Variants in HECW2 observed in about 807,000 individuals in gnomAD.
HECW2 encodes the protein HECT, C2 and WW domain containing E3 ubiquitin protein ligase 2, also known as E3 ubiquitin-protein ligase HECW2.
A neutral mutation model predicts 175.2 loss-of-function variants in HECW2; 61 were observed. The observed-to-expected ratio is 0.35, with a 90% CI of 0.28 to 0.43. HECW2 has a LOEUF of 0.43. HECW2 is among the 20% of genes least tolerant of loss of function. HECW2 has a pLI of 1.00. For synonymous variants in HECW2, 671 were observed against 731.0 expected (o/e 0.92, Z 1.32); for missense variants, 1,524 against 2,000.5 (o/e 0.76, Z 4.54).
At chr2:196,341,070 C>T (rs1055719086) in intron 3 of HECW2, among the ~76,000 whole-genome samples, 3 of 152,118 alleles carry the variant, frequency 2.0e-5, no homozygotes, top group Non-Finnish European at 4.4e-5. Context: ...TCAGCCAGGA[C>T]ATTATGAATC....
chr2:196,328,387 G>A (rs1692233248), intron 5 of HECW2, among the ~76,000 whole-genome samples: 1 of 152,122 alleles, frequency 6.6e-6, no homozygotes, highest in Non-Finnish European at 1.5e-5. Flanking sequence ...TGAACCATAA[G>A]TCACTAGTTT....
At chr2:196,577,129 A>C (rs1690590459) in intron 1 of HECW2, among the ~76,000 whole-genome samples, 1 of 152,186 alleles carries the variant, frequency 6.6e-6, no homozygotes, top group African/African-American at 2.4e-5. Context: ...TGAATCTCAG[A>C]ATCAGTATTT....
At chr2:196,484,516 C>T (rs112003957) in intron 1 of HECW2, among the ~76,000 whole-genome samples, 4,520 of 152,208 alleles carry the variant, frequency 0.03, 127 homozygotes, top group Non-Finnish European at 0.035. Flanking sequence ...ACTCTGCGGT[C>T]CCTCCTCACA....
chr2:196,290,963 T>C (rs925828931), intron 14 of HECW2: 1 of 152,188 alleles, frequency 6.6e-6, no homozygotes, highest in Non-Finnish European at 1.5e-5. Context: ...AATTAGAGGT[T>C]TATTAAAAAC....
At chr2:196,317,152 A>C in intron 10 of HECW2, 122 bp downstream of exon 10, 1 of 735,728 alleles carries the variant, frequency 1.4e-6, no homozygotes, top group South Asian at 1.7e-5. Flanking sequence ...GTCAAGTGGC[A>C]ACCCCCAGAT....
At chr2:196,542,663 A>T (rs13424737) in intron 1 of HECW2, among the ~76,000 whole-genome samples, 8,751 of 151,908 alleles carry the variant, frequency 0.058, 854 homozygotes, top group African/African-American at 0.2. Context: ...GTTTCCTTCT[A>T]GGGGCAGTCC....
intron 2 of HECW2, among the ~76,000 whole-genome samples, chr2:196,362,569 G>A (rs1187044861): frequency 6.6e-6 from 1 of 152,132 alleles, no homozygotes; most frequent in Non-Finnish European, 1.5e-5. Context: ...GAAATTTGTG[G>A]ACTTGTGATT....
intron 1 of HECW2, among the ~76,000 whole-genome samples, chr2:196,575,653 T>A (rs190587633): frequency 1.3e-5 from 2 of 152,320 alleles, no homozygotes; most frequent in East Asian, 3.9e-4. Context: ...TTCGCATTGC[T>A]ATAAAGGAAT....
intron 2 of HECW2, among the ~76,000 whole-genome samples, chr2:196,423,684 T>TTGTGTG (rs60030164): frequency 0.017 from 2,379 of 139,992 alleles, 43 homozygotes; most frequent in Admixed American, 0.046. Context: ...TAGTATTCCA[T>TTGTGTG]TGTGTGTGTG....
intron 2 of HECW2, among the ~76,000 whole-genome samples, chr2:196,410,376 A>C (rs1695077849): frequency 1.3e-5 from 2 of 152,264 alleles, no homozygotes; most frequent in Admixed American, 1.3e-4. Context: ...ATTTCTAAAA[A>C]TTCAGTCAGA....
Position 196,587,671 on chromosome 2 carries a change from A to G in HECW2, c.-36+5837T>C, listed in dbSNP as rs116605197. ...AAATAAAAAATAAGTAAATGATATAAAAATTATATTAACAAACATGAAGTG... is the reference window on the plus strand; with the variant it reads ...AAATAAAAAATAAGTAAATGATATAGAAATTATATTAACAAACATGAAGTG... On this transcript the variant is annotated intron_variant, in intron 1 of 28. Coordinates refer to ENST00000644978, the MANE Select transcript of HECW2 (RefSeq NM_001348768.2). Among the ~76,000 whole-genome samples, 778 of 152,386 alleles carry G rather than the reference A, an allele frequency of 5.1e-3. 3 individuals carry two copies. The highest frequency in any genetic ancestry group is 7.7e-3 in the Non-Finnish European group (523 of 68,038).
intron 2 of HECW2, among the ~76,000 whole-genome samples, chr2:196,376,635 TAA>T (rs33989452): frequency 1.3e-3 from 173 of 132,972 alleles, no homozygotes; most frequent in Non-Finnish European, 1.5e-3. Context: ...GACTCTGTCA[TAA>T]AAAAAAAAAA....
At chr2:196,303,630 T>G (rs1393609594) in intron 13 of HECW2, among the ~76,000 whole-genome samples, 1 of 152,212 alleles carries the variant, frequency 6.6e-6, no homozygotes, top group Non-Finnish European at 1.5e-5. Context: ...CCTGGTTCAG[T>G]CTTGGGAGGG....
Position 196,195,007 on chromosome 2 carries a change from T to C in HECW2, c.*6270A>G, listed in dbSNP as rs1686640738. ...GGCGAGAGAGATGCATGTATTTTTATTCATTTATTTTGGAATGCCTGCATC... is the reference window on the plus strand; with the variant it reads ...GGCGAGAGAGATGCATGTATTTTTACTCATTTATTTTGGAATGCCTGCATC... On this transcript the variant is annotated 3_prime_UTR_variant, in exon 29 of 29. Coordinates refer to ENST00000644978, the MANE Select transcript of HECW2 (RefSeq NM_001348768.2). The C allele has an allele frequency of 6.6e-6, 1 of 152,268 alleles. No homozygotes were observed. Among genetic ancestry groups the C allele is most frequent in the African/African-American group, 2.4e-5 (1 of 41,472 alleles). 9.4% of individuals were successfully genotyped at this position (152,268 alleles called of 1,614,324 possible).
At position 196,566,106 on chromosome 2, in the gene HECW2, G is replaced by A. The variant is rs901535514; in HGVS notation, c.-36+27402C>T. Reference sequence around the variant, plus strand: ...GCCAAATAAATGAATTGCTTTTAGCGATGACCCATTTTAGAAGGAAAAAAA... The same window carrying A: ...GCCAAATAAATGAATTGCTTTTAGCAATGACCCATTTTAGAAGGAAAAAAA... On this transcript the variant is annotated intron_variant, in intron 1 of 28. Coordinates refer to ENST00000644978, the MANE Select transcript of HECW2 (RefSeq NM_001348768.2). 5.3e-5 allele frequency among the ~76,000 whole-genome samples: 8 copies of A among 151,774 alleles called. No individual in the cohort carries two copies. In the East Asian group the frequency reaches 1.4e-3, roughly 26 times the overall value.
chr2:196,348,381 G>A (rs1693039986), intron 2 of HECW2, among the ~76,000 whole-genome samples: 1 of 152,126 alleles, frequency 6.6e-6, no homozygotes. Context: ...AGTGGGTCAT[G>A]CCTGTCATCC....
chr2:196,196,337 A>G lies in HECW2; in HGVS notation c.*4940T>C, dbSNP rs1325601464. The G allele has an allele frequency of 6.6e-6, 1 of 152,224 alleles. No individual in the cohort carries two copies. The highest frequency in any genetic ancestry group is 1.5e-5 in the Non-Finnish European group (1 of 68,044). 9.4% of individuals were successfully genotyped at this position (152,224 alleles called of 1,614,324 possible). A position where few individuals can be genotyped will look rare whatever the true frequency, so the allele number is the denominator to read the frequency against. ...ATGTCTTCAGCATTCCTTTGCATCCATACTAGACAAACAAATTAATTTGGA... is the reference window on the plus strand; with the variant it reads ...ATGTCTTCAGCATTCCTTTGCATCCGTACTAGACAAACAAATTAATTTGGA... On this transcript the variant is annotated 3_prime_UTR_variant, in exon 29 of 29. Transcript: ENST00000644978.
intron 18 of HECW2, among the ~76,000 whole-genome samples, chr2:196,254,850 C>T (rs1688990758): frequency 6.6e-6 from 1 of 152,220 alleles, no homozygotes. Context: ...TTACTAGCAT[C>T]TTTCCATGGG....
At chr2:196,437,627 A>ACCAG (rs1395290847) in intron 1 of HECW2, among the ~76,000 whole-genome samples, 1 of 149,520 alleles carries the variant, frequency 6.7e-6, no homozygotes, top group African/African-American at 2.5e-5. Context: ...AAAAAAAAGC[A>ACCAG]CCAGCCTTGG....
Sources: allele counts gnomAD v4.1 joint callset (sites outside exome capture counted in the v4.1 genomes callset), GRCh38; gene constraint gnomAD v4.1.1; transcripts MANE v1.5; gene names NCBI Gene and HGNC (gene_info 2026-07-23, HGNC 2026-07-21).